The following UBAP2L variants were observed in gnomAD, a reference collection of about 807,000 sequenced individuals.
UBAP2L encodes ubiquitin-associated protein 2-like.
A neutral mutation model predicts 130.6 loss-of-function variants in UBAP2L; 12 were observed. The observed-to-expected ratio is 0.09, with a 90% confidence interval of 0.06 to 0.15. The LOEUF is 0.15. Among genes scored for constraint, UBAP2L ranks in the 10% least tolerant of loss-of-function variants. The pLI is 1.00. For synonymous variants in UBAP2L, 503 were observed against 524.7 expected (o/e 0.96, Z 0.57); for missense variants, 965 against 1,332.5 (o/e 0.72, Z 4.29).
chr1:154,257,632 G>A, intron 20 of UBAP2L, 198 bp downstream of exon 20: 1 of 599,936 alleles, frequency 1.7e-6, no homozygotes, highest in Non-Finnish European at 2.9e-6. Flanking sequence ...TGTCTGGTTG[G>A]AAAAAATTCA....
chr1:154,234,126 C>T (rs892134470), intron 4 of UBAP2L, among the ~76,000 whole-genome samples: 1 of 152,002 alleles, frequency 6.6e-6, no homozygotes, highest in Non-Finnish European at 1.5e-5. Context: ...TTTAAGAGGC[C>T]GAGGTGGGTG....
rs746323761 is a variant in UBAP2L at position 154,237,136 on chromosome 1, A to G, written c.703A>G (p.Ser235Gly). The part of the protein sequence containing the change: ...TGHFEPDDGT[S>G]AWRTATEEWG... Reference sequence around the variant, plus strand: ...CCACTTTGAACCAGATGATGGGACGAGTGAGTGACCATTTATCATTCATTT... The same window carrying G: ...CCACTTTGAACCAGATGATGGGACGGGTGAGTGACCATTTATCATTCATTT... Residue 235 changes from serine (S) to glycine (G), a missense_variant and splice_region_variant, in exon 8 of 27, where the codon AGT becomes GGT. Around this residue, in one of 9 missense-constraint regions of UBAP2L, gnomAD observed 19 missense variants for 52.1 expected, o/e 0.36. Coordinates refer to ENST00000428931, the MANE Select transcript of UBAP2L (RefSeq NM_014847.4). The G allele has an allele frequency of 6.2e-7, 1 of 1,611,146 alleles. No individual in the cohort carries two copies. The highest frequency in any genetic ancestry group is 8.5e-7 in the Non-Finnish European group (1 of 1,177,374).
chr1:154,235,161 T>G (rs572056717), intron 5 of UBAP2L, 35 bp from the exon 6 acceptor site: 3 of 730,556 alleles, frequency 4.1e-6, no homozygotes, highest in East Asian at 5.1e-5. Flanking sequence ...GTTTTTTTGT[T>G]GTTGTTGTTG....
chr1:154,258,875 G>C, intron 20 of UBAP2L, 102 bp from the exon 21 acceptor site: 1 of 938,350 alleles, frequency 1.1e-6, no homozygotes, highest in Non-Finnish European at 1.7e-6. Context: ...TTCTAACCCA[G>C]AATGAGGATG....
chr1:154,241,892 T>C (rs1673723407), intron 9 of UBAP2L: 3 of 398,916 alleles, frequency 7.5e-6, no homozygotes, highest in Admixed American at 6.4e-5. Context: ...GTGCATTGAG[T>C]AACAGCTGCT....
At chr1:154,226,189 T>C (rs1384178821) in intron 2 of UBAP2L, among the ~76,000 whole-genome samples, 1 of 152,250 alleles carries the variant, frequency 6.6e-6, no homozygotes, top group East Asian at 1.9e-4. Context: ...CAACTTGTCT[T>C]TTATTTTCCT....
chr1:154,256,493 G>T (rs1233195910), intron 18 of UBAP2L, among the ~76,000 whole-genome samples: 1 of 152,110 alleles, frequency 6.6e-6, no homozygotes, highest in Non-Finnish European at 1.5e-5. Flanking sequence ...TTGAAGATTG[G>T]CCAAGCATGG....
chr1:154,229,622 TC>T (rs1669145205), intron 4 of UBAP2L, among the ~76,000 whole-genome samples: 1 of 151,154 alleles, frequency 6.6e-6, no homozygotes, highest in African/African-American at 2.4e-5. Context: ...GGCCACCATG[TC>T]CAGCTGATTT....
intron 11 of UBAP2L, 137 bp from the exon 12 acceptor site, chr1:154,249,102 C>T (rs1304979383): frequency 5.1e-6 from 4 of 776,830 alleles, no homozygotes; most frequent in Non-Finnish European, 8.6e-6. Context: ...CTCTAGTGGA[C>T]TATGCTGTAT....
At chr1:154,233,041 G>A (rs1670375371) in intron 4 of UBAP2L, among the ~76,000 whole-genome samples, 2 of 150,614 alleles carry the variant, frequency 1.3e-5, no homozygotes, top group Non-Finnish European at 3.0e-5. Context: ...TTGAGATGGA[G>A]ACTCCTCTGT....
At chr1:154,222,582 T>C (rs960278766) in intron 1 of UBAP2L, among the ~76,000 whole-genome samples, 4 of 152,180 alleles carry the variant, frequency 2.6e-5, no homozygotes, top group Non-Finnish European at 5.9e-5. Context: ...TCTTACTAAC[T>C]AGATATCAAG....
intron 18 of UBAP2L, among the ~76,000 whole-genome samples, chr1:154,256,592 T>C (rs1198442922): frequency 6.6e-6 from 1 of 152,118 alleles, no homozygotes; most frequent in Non-Finnish European, 1.5e-5. Flanking sequence ...TGAGCCAAGA[T>C]TGCACCACTG....
intron 12 of UBAP2L, 34 bp from the exon 13 acceptor site, chr1:154,251,007 T>C (rs759716715): frequency 6.3e-7 from 1 of 1,579,600 alleles, no homozygotes; most frequent in African/African-American, 1.3e-5. Flanking sequence ...TTCATTAGCA[T>C]CTCTGGCTTC....
chr1:154,260,838 C>A, intron 22 of UBAP2L, 54 bp from the exon 23 acceptor site: 1 of 1,534,928 alleles, frequency 6.5e-7, no homozygotes, highest in Non-Finnish European at 9.0e-7. Flanking sequence ...AGAGGTAATT[C>A]TGTATTGGTA....
intron 4 of UBAP2L, among the ~76,000 whole-genome samples, 185 bp from the exon 5 acceptor site, chr1:154,234,406 G>T (rs778241059): frequency 7.7e-4 from 117 of 151,758 alleles, no homozygotes; most frequent in Non-Finnish European, 1.4e-3. Flanking sequence ...AAAAATAAAG[G>T]ACTTTACTTT....
At position 154,268,879 on chromosome 1, in the gene UBAP2L, C is replaced by G. The variant is rs760243531; in HGVS notation, c.3093C>G (p.Pro1031=). The G allele has an allele frequency of 6.2e-7, 1 of 1,613,676 alleles. No individual in the cohort carries two copies. The highest frequency in any genetic ancestry group is 8.5e-7 in the Non-Finnish European group (1 of 1,179,838). ...CAGCTGCTGCCTACCCACCTGCCCC[C>G]TTTATGCACATTCTGACCCCCCATC... The part of the protein sequence containing the change: ...PATAAAYPPA[P]FMHILTPHQQ... Residue 1031 remains proline (P), a synonymous_variant, in exon 26 of 27, where the codon CCC becomes CCG. Coordinates refer to ENST00000428931, the MANE Select transcript of UBAP2L (RefSeq NM_014847.4).
chr1:154,264,749 A>AT (rs538785448), intron 24 of UBAP2L, among the ~76,000 whole-genome samples: 3 of 149,604 alleles, frequency 2.0e-5, no homozygotes, highest in Non-Finnish European at 3.0e-5. Context: ...GCTATTTTTT[A>AT]TTTTTTTATT....
chr1:154,241,234 A>G (rs1045628894), intron 8 of UBAP2L, among the ~76,000 whole-genome samples: 1 of 152,042 alleles, frequency 6.6e-6, no homozygotes, highest in Admixed American at 6.6e-5. Context: ...GATTACAGGC[A>G]TGTGCCACCA....
chr1:154,251,485 C>T lies in UBAP2L; in HGVS notation c.1496C>T (p.Pro499Leu). The T allele has an allele frequency of 6.2e-7, 1 of 1,613,670 alleles. No homozygotes were observed. Among genetic ancestry groups the T allele is most frequent in the Non-Finnish European group, 8.5e-7 (1 of 1,179,910 alleles). ...TCTTCTCCTTCAACTTTATAGATTC[C>T]TGCTCTGGCTGTGGAGATGCCTGGC... is the stretch of plus-strand genomic sequence containing the variant. ...KKKASLTSKI[P>L]ALAVEMPGSA... The change falls in exon 14 of 27, where the codon CCT (proline) becomes CTT (leucine). Residue 499 changes from proline to leucine, a missense_variant. Pro to Leu is a moderately conservative substitution (Grantham distance 98). Transcript: ENST00000428931.
Sources: gnomAD v4.1 joint callset for allele counts (sites outside exome capture counted in the v4.1 genomes callset) on GRCh38, gnomAD v4.1.1 for gene constraint, gnomAD v4.1.1 regional missense constraint, MANE v1.5 for transcripts, NCBI Gene and HGNC (gene_info 2026-07-23, HGNC 2026-07-21) for gene names.